Variants in OPN3 observed in about 807,000 individuals in gnomAD.
OPN3 encodes the protein opsin-3.
In OPN3, 29 loss-of-function variants were observed where a neutral mutation model predicts 33.8. That is an observed-to-expected ratio of 0.86 (90% CI 0.64 to 1.17). The LOEUF is 1.17. Ranked by LOEUF, OPN3 falls within the 50% of genes most tolerant of loss-of-function variation. OPN3 has a pLI of 0.00. For missense variants in OPN3, 437 were observed against 514.1 expected, an observed-to-expected ratio of 0.85 and a Z score of 1.45; for synonymous variants, 216 against 216.1, an observed-to-expected ratio of 1.00 and a Z score of 0.00.
intron 2 of OPN3, among the ~76,000 whole-genome samples, chr1:241,598,437 C>T (rs948076398): frequency 3.9e-5 from 6 of 152,166 alleles, no homozygotes; most frequent in African/African-American, 1.4e-4. Flanking sequence ...GTCAGGTGTT[C>T]TGCATGATTA....
intron 1 of OPN3, among the ~76,000 whole-genome samples, chr1:241,605,063 A>AAAT (rs1416127447): frequency 7.4e-6 from 1 of 135,074 alleles, no homozygotes; most frequent in Non-Finnish European, 1.6e-5. Context: ...CTCAAAAAAA[A>AAAT]AAAAAATAAA....
chr1:241,621,873 C>T (rs1390505114), intron 1 of OPN3, among the ~76,000 whole-genome samples: 4 of 152,114 alleles, frequency 2.6e-5, no homozygotes, highest in African/African-American at 7.2e-5. Flanking sequence ...ACTATGGGAT[C>T]AGTTCTGATC....
chr1:241,604,706 A>G, intron 1 of OPN3, 127 bp from the exon 2 acceptor site: 1 of 827,596 alleles, frequency 1.2e-6, no homozygotes, highest in South Asian at 1.8e-5. Context: ...TCTCAAAGCC[A>G]AGAGTAATAG....
intron 1 of OPN3, among the ~76,000 whole-genome samples, chr1:241,605,455 G>A (rs538349302): frequency 4.6e-5 from 7 of 152,164 alleles, no homozygotes; most frequent in Non-Finnish European, 8.8e-5. Flanking sequence ...CACGTGTACC[G>A]CTATTTTGCA....
Position 241,597,982 on chromosome 1 carries a change from C to T in OPN3, c.709G>A (p.Asp237Asn). 1 of 1,613,490 alleles carries T rather than the reference C, an allele frequency of 6.2e-7. No individual in the cohort carries two copies. The highest frequency in any genetic ancestry group is 8.5e-7 in the Non-Finnish European group (1 of 1,179,816). ...TTGATCACTTGAATTGTCTGAAGAT[C>T]TTCCACACAACGAAGCTGCAGAAAG... ...YSIRMLRCVE[D>N]LQTIQVIKIL... Residue 237 changes from aspartate to asparagine, a missense_variant, in exon 3 of 4, where the codon GAT becomes AAT. Physicochemically the swap from Asp to Asn is conservative, Grantham distance 23 (BLOSUM62 1). Transcript: ENST00000366554.
At chr1:241,617,578 C>T (rs958156616) in intron 1 of OPN3, among the ~76,000 whole-genome samples, 2 of 152,226 alleles carry the variant, frequency 1.3e-5, no homozygotes, top group African/African-American at 2.4e-5. Context: ...GATAACAACA[C>T]TGATTCCATT....
intron 1 of OPN3, among the ~76,000 whole-genome samples, chr1:241,609,116 A>G (rs142702256): frequency 8.6e-4 from 131 of 152,346 alleles, no homozygotes; most frequent in African/African-American, 2.8e-3. Flanking sequence ...GCAAATAAAA[A>G]CTACATGGTA....
At chr1:241,634,774 T>TA (rs1380662792) in intron 1 of OPN3, 2 of 1,613,860 alleles carry the variant, frequency 1.2e-6, no homozygotes, top group Admixed American at 1.7e-5. Flanking sequence ...GGTTGGGAGT[T>TA]AGTTTTTTAG....
At chr1:241,631,807 T>C (rs1664643785) in intron 1 of OPN3, 1 of 152,170 alleles carries the variant, frequency 6.6e-6, no homozygotes, top group Non-Finnish European at 1.5e-5. Context: ...GACCAGTGTG[T>C]GCTTTTTACC....
intron 3 of OPN3, 120 bp downstream of exon 3, chr1:241,597,626 T>C: frequency 9.7e-7 from 1 of 1,026,628 alleles, no homozygotes; most frequent in Non-Finnish European, 1.4e-6. Context: ...CTTTAATTCC[T>C]AAAAAATTCT....
intron 1 of OPN3, chr1:241,634,820 G>A: frequency 6.2e-7 from 1 of 1,613,426 alleles, no homozygotes; most frequent in Non-Finnish European, 8.5e-7. Context: ...CTGCCTGAAA[G>A]CTTGGTATTC....
At chr1:241,612,778 C>T (rs1278460353) in intron 1 of OPN3, among the ~76,000 whole-genome samples, 2 of 152,214 alleles carry the variant, frequency 1.3e-5, no homozygotes, top group South Asian at 2.1e-4. Flanking sequence ...AAGGATCCCA[C>T]GAGAAGCTGA....
intron 2 of OPN3, among the ~76,000 whole-genome samples, chr1:241,600,177 T>C (rs906949516): frequency 6.6e-6 from 1 of 152,252 alleles, no homozygotes; most frequent in African/African-American, 2.4e-5. Flanking sequence ...TTTAAATAAA[T>C]GTTTGTCTAT....
chr1:241,634,049 T>C (rs1434157339), intron 1 of OPN3: 2 of 1,612,638 alleles, frequency 1.2e-6, no homozygotes, highest in South Asian at 2.2e-5. Flanking sequence ...GACATAAACA[T>C]TGGAAGGCAA....
chr1:241,627,308 C>A (rs556415085), intron 1 of OPN3, among the ~76,000 whole-genome samples: 1 of 151,808 alleles, frequency 6.6e-6, no homozygotes, highest in African/African-American at 2.4e-5. Flanking sequence ...GAAGCCACCA[C>A]TTTTTAAATA....
chr1:241,606,457 A>G (rs1663831461), intron 1 of OPN3, among the ~76,000 whole-genome samples: 1 of 152,066 alleles, frequency 6.6e-6, no homozygotes, highest in Admixed American at 6.6e-5. Flanking sequence ...AGGCAGGAAA[A>G]TTGTATGAAC....
intron 3 of OPN3, chr1:241,594,953 T>G (rs1663456220): frequency 7.7e-6 from 3 of 389,456 alleles, no homozygotes; most frequent in African/African-American, 2.0e-5. Flanking sequence ...CTGCACACAC[T>G]TTCTATGAGG....
intron 1 of OPN3, chr1:241,639,203 C>T (rs923885150): frequency 5.3e-5 from 8 of 152,176 alleles, no homozygotes; most frequent in Non-Finnish European, 8.8e-5. Context: ...ATTGGCTGAG[C>T]CATTTGTAAT....
At chr1:241,637,745 A>C (rs1476172971) in intron 1 of OPN3, among the ~76,000 whole-genome samples, 1 of 152,216 alleles carries the variant, frequency 6.6e-6, no homozygotes, top group African/African-American at 2.4e-5. Context: ...GAGAACTGAT[A>C]GCTGGAGAGA....
Sources: gnomAD v4.1 joint callset for allele counts (sites outside exome capture counted in the v4.1 genomes callset) on GRCh38, gnomAD v4.1.1 for gene constraint, MANE v1.5 for transcripts, NCBI Gene and HGNC (gene_info 2026-07-23, HGNC 2026-07-21) for gene names.